The following ZNF717 variants were observed in gnomAD, a reference collection of about 807,000 sequenced individuals.
The protein encoded by ZNF717 is krueppel-like factor X17.
A neutral mutation model predicts 13.8 loss-of-function variants in ZNF717; 9 were observed. That is an observed-to-expected ratio of 0.65 (90% confidence interval 0.39 to 1.14). The LOEUF (loss-of-function observed/expected upper bound fraction) is 1.14, where lower values mean the gene tolerates loss of function less well. Ranked by LOEUF, ZNF717 falls within the 50% of genes most tolerant of loss-of-function variation. The pLI, the probability that ZNF717 is intolerant of heterozygous loss-of-function variation, is 0.01. For missense variants in ZNF717, 1,040 were observed against 1,080.7 expected (o/e 0.96, Z 0.53); for synonymous variants, 327 against 364.1 (o/e 0.90, Z 1.16).
exon 6 of ZNF717, chr3:75,730,047 G>T (rs1938431743): frequency 6.6e-6 from 1 of 152,280 alleles, no homozygotes; most frequent in African/African-American, 2.4e-5. Flanking sequence ...TAAACCTACA[G>T]ATACAAAAAG....
At chr3:75,734,813 ATATATTTTTTTT>A (rs1401533657), downstream of ZNF717, among the ~76,000 whole-genome samples, 4 of 60,080 alleles carry the variant, frequency 6.7e-5, no homozygotes, top group African/African-American at 3.6e-4. Context: ...ATATATATAT[ATATATTTTTTTT>A]TTTTTTTTTT....
At chr3:75,752,584 T>C (rs1812646) in intron 2 of ZNF717, among the ~76,000 whole-genome samples, 149,797 of 150,192 alleles carry the variant, frequency 1, 74,701 homozygotes, top group South Asian at 1. Flanking sequence ...CTGCTGGGGT[T>C]TGAATGTTTG....
intron 2 of ZNF717, among the ~76,000 whole-genome samples, chr3:75,761,251 A>G (rs1942982000): frequency 6.6e-6 from 1 of 152,396 alleles, no homozygotes; most frequent in East Asian, 1.9e-4. Context: ...ATATTCAAAA[A>G]ATGTTCAAAA....
At chr3:75,746,312 T>C (rs1941167577) in intron 2 of ZNF717, among the ~76,000 whole-genome samples, 1 of 152,246 alleles carries the variant, frequency 6.6e-6, no homozygotes, top group South Asian at 2.1e-4. Flanking sequence ...TCCAAGTCTT[T>C]GCTATTGTGA....
downstream of ZNF717, among the ~76,000 whole-genome samples, chr3:75,733,117 T>C (rs76989297): frequency 6.6e-6 from 1 of 151,450 alleles, no homozygotes; most frequent in Non-Finnish European, 1.5e-5. Context: ...TATTAGTAGA[T>C]TGAACACAAC....
intron 2 of ZNF717, among the ~76,000 whole-genome samples, chr3:75,745,388 C>CT (rs1251875988): frequency 6.6e-6 from 1 of 151,858 alleles, no homozygotes. Flanking sequence ...TTCTGGAACT[C>CT]TATGTGAGGG....
intron 5 of ZNF717, among the ~76,000 whole-genome samples, chr3:75,714,723 A>T (rs1219100542): frequency 6.6e-6 from 1 of 152,076 alleles, no homozygotes; most frequent in South Asian, 2.1e-4. Context: ...AGATATTTCT[A>T]TTTTTATTTT....
intron 2 of ZNF717, among the ~76,000 whole-genome samples, chr3:75,770,101 A>C (rs1334578735): frequency 1.3e-5 from 2 of 152,182 alleles, no homozygotes; most frequent in African/African-American, 4.8e-5. Context: ...ATGTCATCAC[A>C]GTGCTGGCCA....
chr3:75,730,611 G>T lies in ZNF717; in HGVS notation c.*2C>A, dbSNP rs73841587. The T allele has an allele frequency of 5.7e-6, 4 of 702,166 alleles. No homozygotes were observed. In the East Asian group the frequency reaches 8.1e-5, roughly 14 times the overall value. The allele number at this position is 702,166 out of a possible 1,614,324, so 43.5% of individuals were successfully genotyped here. A position where few individuals can be genotyped will look rare whatever the true frequency, so the allele number is the denominator to read the frequency against. On this transcript the variant is annotated 3_prime_UTR_variant, in exon 6 of 6. Coordinates refer to the ZNF717 transcript ENST00000477374. ...ATACAGTTCCAGAGTTCACAAGAGAGATCAAACCTGGAGATAAAAGATTTT... is the reference window on the plus strand; with the variant it reads ...ATACAGTTCCAGAGTTCACAAGAGATATCAAACCTGGAGATAAAAGATTTT...
chr3:75,720,019 T>A (rs1938138555), intron 4 of ZNF717, among the ~76,000 whole-genome samples: 1 of 149,122 alleles, frequency 6.7e-6, no homozygotes, highest in African/African-American at 2.5e-5. Flanking sequence ...TTTGCAAGGC[T>A]ACAGAGAAAA....
chr3:75,728,192 G>C (rs1938330736), downstream of ZNF717, among the ~76,000 whole-genome samples: 1 of 151,224 alleles, frequency 6.6e-6, no homozygotes. Flanking sequence ...ATATTGCTTA[G>C]TAAGCATGTC....
downstream of ZNF717, among the ~76,000 whole-genome samples, chr3:75,734,817 ATTTTTTTTTT>A (rs545474632): frequency 4.3e-4 from 25 of 57,550 alleles, no homozygotes; most frequent in African/African-American, 1.5e-3. Context: ...ATATATATAT[ATTTTTTTTTT>A]TTTTTTTTTT....
intron 2 of ZNF717, among the ~76,000 whole-genome samples, chr3:75,776,781 G>A (rs1944357396): frequency 6.6e-6 from 1 of 152,226 alleles, no homozygotes; most frequent in Admixed American, 6.5e-5. Context: ...CTTTTACCAA[G>A]ATCACAGTTC....
intron 2 of ZNF717, among the ~76,000 whole-genome samples, chr3:75,780,863 C>A (rs1318135409): frequency 1.3e-5 from 2 of 152,226 alleles, no homozygotes; most frequent in Non-Finnish European, 2.9e-5. Context: ...CTAGAACAAA[C>A]CAGGTTTTGT....
At chr3:75,710,990 G>T (rs1937926293) in exon 6 of ZNF717, 1 of 152,148 alleles carries the variant, frequency 6.6e-6, no homozygotes, top group African/African-American at 2.4e-5. Context: ...CAATCTTAAA[G>T]TTTTTGGGCC....
At chr3:75,704,717 C>G (rs1180345799), downstream of ZNF717, among the ~76,000 whole-genome samples, 6 of 152,310 alleles carry the variant, frequency 3.9e-5, no homozygotes, top group Non-Finnish European at 8.8e-5. Flanking sequence ...TGTCACCTCT[C>G]TGCTCAGCGC....
chr3:75,703,189 G>C (rs1937732779), intron 6 of ZNF717, among the ~76,000 whole-genome samples: 1 of 152,306 alleles, frequency 6.6e-6, no homozygotes, highest in Non-Finnish European at 1.5e-5. Flanking sequence ...TGAATCTGTT[G>C]AATTTGCTCA....
At chr3:75,774,011 T>C (rs1305782011) in intron 2 of ZNF717, among the ~76,000 whole-genome samples, 4 of 152,014 alleles carry the variant, frequency 2.6e-5, no homozygotes, top group Admixed American at 1.3e-4. Context: ...GATCACACCA[T>C]TGCACTCCAG....
chr3:75,780,324 A>G (rs184927176), intron 2 of ZNF717, among the ~76,000 whole-genome samples: 1 of 152,270 alleles, frequency 6.6e-6, no homozygotes, highest in East Asian at 1.9e-4. Context: ...CCGGAAACCT[A>G]AAACAATGGT....
Sources: gnomAD v4.1 joint callset for allele counts (sites outside exome capture counted in the v4.1 genomes callset) on GRCh38, gnomAD v4.1.1 for gene constraint, MANE v1.5 for transcripts, NCBI Gene and HGNC (gene_info 2026-07-23, HGNC 2026-07-21) for gene names.